DPP6: variants seen among roughly 807,000 people sequenced by gnomAD.
The protein encoded by DPP6 is dipeptidyl peptidase like 6.
A neutral mutation model predicts 122.6 loss-of-function variants in DPP6; 69 were observed. The ratio of observed to expected loss-of-function variants is 0.56; its 90% confidence interval spans 0.46 to 0.69. The LOEUF is 0.69. Ranked by LOEUF, DPP6 falls within the 30% of genes least tolerant of loss-of-function variation. The pLI is 0.00. For synonymous variants in DPP6, 418 were observed against 433.1 expected (o/e 0.97, Z 0.43); for missense variants, 928 against 1,116.9 (o/e 0.83, Z 2.41).
chr7:154,212,209 C>A (rs571503091), intron 1 of DPP6, among the ~76,000 whole-genome samples: 1 of 152,294 alleles, frequency 6.6e-6, no homozygotes, highest in South Asian at 2.1e-4. Context: ...TTATCATATT[C>A]CTACAGCCAC....
chr7:154,158,850 C>G (rs114702698), intron 1 of DPP6, among the ~76,000 whole-genome samples: 6,760 of 151,020 alleles, frequency 0.045, 192 homozygotes, highest in African/African-American at 0.057. Flanking sequence ...GCCCAGGGAA[C>G]ATAGCTGGGC....
chr7:153,774,408 TCAG>T, the DPP6 span, among the ~76,000 whole-genome samples: 1 of 152,278 alleles, frequency 6.6e-6, no homozygotes, highest in East Asian at 1.9e-4. Context: ...CTAGAACAAA[TCAG>T]CAGTGTCTTT....
the DPP6 span, among the ~76,000 whole-genome samples, chr7:153,853,533 T>C: frequency 6.6e-6 from 1 of 152,294 alleles, no homozygotes; most frequent in South Asian, 2.1e-4. Context: ...TCTTTTATGA[T>C]ATAACTAATG....
intron 4 of DPP6, among the ~76,000 whole-genome samples, chr7:154,561,197 G>A (rs1191281234): frequency 1.3e-5 from 2 of 152,176 alleles, no homozygotes; most frequent in African/African-American, 4.8e-5. Context: ...GATAGACTAT[G>A]TAAAAACATT....
chr7:153,758,222 C>T, the DPP6 span, among the ~76,000 whole-genome samples: 1 of 152,110 alleles, frequency 6.6e-6, no homozygotes, highest in Non-Finnish European at 1.5e-5. Flanking sequence ...GTACTAAACT[C>T]ATTGCATAAA....
At chr7:153,919,249 C>T (rs1800520212) in intron 1 of DPP6, among the ~76,000 whole-genome samples, 1 of 152,168 alleles carries the variant, frequency 6.6e-6, no homozygotes, top group East Asian at 1.9e-4. Context: ...GGTGATCTGA[C>T]TCTATGTCAT....
At chr7:154,465,159 G>A (rs1253416873) in intron 2 of DPP6, among the ~76,000 whole-genome samples, 1 of 152,116 alleles carries the variant, frequency 6.6e-6, no homozygotes. Flanking sequence ...GTAAGGAGGG[G>A]CCTACTGTAA....
intron 3 of DPP6, among the ~76,000 whole-genome samples, chr7:154,520,756 A>G (rs1330654792): frequency 6.6e-6 from 1 of 152,210 alleles, no homozygotes; most frequent in Non-Finnish European, 1.5e-5. Flanking sequence ...TTGCATCTCC[A>G]CCAGCCAGAA....
At chr7:153,804,253 T>C in the DPP6 span, among the ~76,000 whole-genome samples, 5 of 152,010 alleles carry the variant, frequency 3.3e-5, no homozygotes, top group Non-Finnish European at 7.4e-5. Flanking sequence ...GGTTTCACCA[T>C]GTTGGCCAGA....
At chr7:154,215,652 A>C (rs1799956802) in intron 1 of DPP6, among the ~76,000 whole-genome samples, 1 of 152,154 alleles carries the variant, frequency 6.6e-6, no homozygotes, top group Non-Finnish European at 1.5e-5. Flanking sequence ...GGTGTCTGGA[A>C]CAGCATCTGG....
At chr7:154,480,400 C>T (rs1823157664) in intron 3 of DPP6, among the ~76,000 whole-genome samples, 2 of 152,198 alleles carry the variant, frequency 1.3e-5, no homozygotes, top group Non-Finnish European at 1.5e-5. Flanking sequence ...GAGATGACCT[C>T]CAGGTTGCTA....
At chr7:154,363,758 A>G (rs1258834725) in intron 1 of DPP6, among the ~76,000 whole-genome samples, 2 of 152,230 alleles carry the variant, frequency 1.3e-5, no homozygotes, top group African/African-American at 2.4e-5. Context: ...TTTAGCTAAC[A>G]TGTGCTCTTA....
intron 4 of DPP6, among the ~76,000 whole-genome samples, chr7:154,541,721 A>T (rs1828745318): frequency 6.6e-6 from 1 of 152,262 alleles, no homozygotes; most frequent in African/African-American, 2.4e-5. Context: ...CGATCATAAC[A>T]GGGCTCTGGT....
intron 1 of DPP6, among the ~76,000 whole-genome samples, chr7:154,097,429 G>C (rs916886949): frequency 6.6e-6 from 1 of 152,220 alleles, no homozygotes; most frequent in Non-Finnish European, 1.5e-5. Context: ...CTGATTCAAC[G>C]CTATTGCTCC....
At chr7:154,623,403 G>A (rs1834823232) in intron 5 of DPP6, among the ~76,000 whole-genome samples, 1 of 152,204 alleles carries the variant, frequency 6.6e-6, no homozygotes, top group Admixed American at 6.5e-5. Context: ...AGTGGGAGGG[G>A]CGGTGCCTTT....
chr7:153,944,174 C>A (rs1430810030), intron 1 of DPP6, among the ~76,000 whole-genome samples: 2 of 152,222 alleles, frequency 1.3e-5, no homozygotes, highest in African/African-American at 2.4e-5. Flanking sequence ...TCCAGCACAG[C>A]CGGGGCTCGG....
chr7:153,775,713 A>C, the DPP6 span, among the ~76,000 whole-genome samples: 1 of 152,160 alleles, frequency 6.6e-6, no homozygotes, highest in Non-Finnish European at 1.5e-5. Flanking sequence ...TTCTAGAACT[A>C]ATTAGTGAGT....
At chr7:154,476,194 T>C (rs1203919359) in intron 3 of DPP6, among the ~76,000 whole-genome samples, 1 of 152,196 alleles carries the variant, frequency 6.6e-6, no homozygotes, top group Non-Finnish European at 1.5e-5. Context: ...GATTAGCTTA[T>C]TTAAAAGTGA....
chr7:154,144,215 GTAT>G (rs1795982000), intron 1 of DPP6, among the ~76,000 whole-genome samples: 1 of 151,796 alleles, frequency 6.6e-6, no homozygotes, highest in Admixed American at 6.6e-5. Context: ...CTGGTATTTG[GTAT>G]GATTTCTCCT....
Sources: gnomAD v4.1 joint callset for allele counts (sites outside exome capture counted in the v4.1 genomes callset) on GRCh38, gnomAD v4.1.1 for gene constraint, MANE v1.5 for transcripts, NCBI Gene and HGNC (gene_info 2026-07-23, HGNC 2026-07-21) for gene names.